The following APTX variants were observed in gnomAD, a reference collection of about 807,000 sequenced individuals.
The protein encoded by APTX is aprataxin, also known as forkhead-associated domain histidine triad-like protein.
In APTX, 33 loss-of-function variants were observed where a neutral mutation model predicts 42.3. The ratio of observed to expected loss-of-function variants is 0.78; its 90% confidence interval spans 0.59 to 1.04. APTX has a LOEUF of 1.04. APTX is among the 50% of genes least tolerant of loss of function. The probability of loss-of-function intolerance (pLI) is 0.00; values close to 1 mark genes in which losing one functional copy is unlikely to be tolerated. For synonymous variants in APTX, 130 were observed against 146.7 expected (o/e 0.89, Z 0.82); for missense variants, 421 against 415.1 (o/e 1.01, Z -0.12).
intron 1 of APTX, among the ~76,000 whole-genome samples, chr9:33,010,589 G>C (rs1424413275): frequency 6.6e-6 from 1 of 151,940 alleles, no homozygotes; most frequent in Non-Finnish European, 1.5e-5. Flanking sequence ...GCTGGTGGCA[G>C]GCGCCTGTAA....
At chr9:33,005,144 T>C (rs1476972721), upstream of APTX, among the ~76,000 whole-genome samples, 3 of 152,172 alleles carry the variant, frequency 2.0e-5, no homozygotes, top group African/African-American at 7.2e-5. Flanking sequence ...GTAGGAGTTC[T>C]TTATATATTC....
intron 1 of APTX, among the ~76,000 whole-genome samples, chr9:33,000,918 G>C (rs1213802180): frequency 7.3e-6 from 1 of 137,804 alleles, no homozygotes; most frequent in African/African-American, 2.7e-5. Flanking sequence ...CGCGATCTCA[G>C]CTCACCACAA....
intron 6 of APTX, among the ~76,000 whole-genome samples, chr9:32,977,235 C>T (rs1036405553): frequency 3.9e-5 from 6 of 152,118 alleles, no homozygotes; most frequent in Non-Finnish European, 5.9e-5. Flanking sequence ...CCTGTAATCC[C>T]AGCTACTCAG....
intron 1 of APTX, among the ~76,000 whole-genome samples, chr9:32,998,520 C>T (rs1587576029): frequency 6.6e-6 from 1 of 152,076 alleles, no homozygotes; most frequent in South Asian, 2.1e-4. Flanking sequence ...CACATATATA[C>T]CATGGAATAT....
Position 32,984,796 on chromosome 9 carries a change from C to G in APTX, c.605G>C (p.Trp202Ser). 6.2e-7 allele frequency: 1 copy of G among 1,614,192 alleles called. No individual in the cohort carries two copies. Residue 202 changes from tryptophan to serine, a missense_variant, in exon 6 of 8, where the codon TGG becomes TCG. By Grantham distance (177) the Trp-to-Ser change is radical. Coordinates refer to ENST00000379817, the MANE Select transcript of APTX (RefSeq NM_001195248.2). ...AATGGAGGTCCACGGTAAGACCAGC[C>G]AATGGTAACGGGCCTTTGGGTATTT... ...KDKYPKARYHWLVLPWTSISS... is the reference protein window; with the variant it reads ...KDKYPKARYHSLVLPWTSISS...
intron 1 of APTX, among the ~76,000 whole-genome samples, chr9:33,000,477 A>T (rs1836010280): frequency 6.6e-6 from 1 of 151,580 alleles, no homozygotes; most frequent in Non-Finnish European, 1.5e-5. Context: ...AAATACAAAA[A>T]ATTAGCCAGG....
At chr9:33,004,221 G>C (rs1836959789), upstream of APTX, among the ~76,000 whole-genome samples, 1 of 152,184 alleles carries the variant, frequency 6.6e-6, no homozygotes, top group Non-Finnish European at 1.5e-5. Context: ...GCTAAGCTTT[G>C]GGTATGTAAA....
chr9:33,023,301 G>A (rs1182679571), intron 1 of APTX, among the ~76,000 whole-genome samples: 1 of 151,680 alleles, frequency 6.6e-6, no homozygotes. Context: ...TCTGCTCACT[G>A]CAACCTCCGC....
rs1363641751 is a variant in APTX, at chr9:33,014,132, A to AAT, written c.-5+10890_-5+10891insAT. Among the ~76,000 whole-genome samples the AAT allele has an allele frequency of 1.2e-3, 176 of 152,322 alleles. 1 individual carries two copies. The highest frequency in any genetic ancestry group is 4.0e-3 in the African/African-American group (167 of 41,570). On this transcript the variant is annotated intron_variant, in intron 1 of 6. Coordinates refer to the APTX transcript ENST00000436040. Reference sequence around the variant, plus strand: ...TGCTCAGCACAGAAACTGATGGCAAAGGCCTACTCTGGCACCATTACCAGC... The same window carrying AAT: ...TGCTCAGCACAGAAACTGATGGCAAAATGGCCTACTCTGGCACCATTACCAGC...
rs769631784 is a variant in APTX, at chr9:32,973,439, A to T, written c.*59T>A. ...TAGAAGTTCACAAGCAACCCAGAAT[A>T]GGTGCCAGCAGTTTGCTCCAGTGGG... On this transcript the variant is annotated 3_prime_UTR_variant, in exon 8 of 8. Transcript: ENST00000379817. 6.3e-7 allele frequency: 1 copy of T among 1,577,084 alleles called. No homozygotes were observed. The highest frequency in any genetic ancestry group is 1.1e-5 in the South Asian group (1 of 89,798).
chr9:33,017,881 A>G (rs1838014577), intron 1 of APTX, among the ~76,000 whole-genome samples: 1 of 151,746 alleles, frequency 6.6e-6, no homozygotes, highest in Non-Finnish European at 1.5e-5. Flanking sequence ...TGTGAGGCTG[A>G]AAGTTCCAAT....
intron 1 of APTX, among the ~76,000 whole-genome samples, chr9:33,010,300 C>T (rs1837449733): frequency 6.6e-6 from 1 of 152,192 alleles, no homozygotes; most frequent in African/African-American, 2.4e-5. Flanking sequence ...GGCCTCCAGT[C>T]AGATGAAACC....
chr9:32,975,102 A>C (rs539391834), intron 6 of APTX, among the ~76,000 whole-genome samples: 1 of 152,198 alleles, frequency 6.6e-6, no homozygotes, highest in Non-Finnish European at 1.5e-5. Flanking sequence ...AGGGGCCCTG[A>C]GATGAGGAAA....
chr9:32,991,076 G>A (rs1833500950), intron 1 of APTX, among the ~76,000 whole-genome samples: 1 of 152,092 alleles, frequency 6.6e-6, no homozygotes, highest in African/African-American at 2.4e-5. Context: ...ATGGGCATGT[G>A]TCACCACAGT....
intron 2 of APTX, 125 bp downstream of exon 2, chr9:32,989,634 C>G: frequency 6.9e-7 from 1 of 1,440,386 alleles, no homozygotes; most frequent in Non-Finnish European, 9.7e-7. Context: ...TAAAAGAGCT[C>G]AGTTCCTGAG....
intron 1 of APTX, among the ~76,000 whole-genome samples, chr9:33,015,628 A>T (rs992240092): frequency 2.6e-5 from 4 of 152,194 alleles, no homozygotes; most frequent in African/African-American, 9.7e-5. Flanking sequence ...AAGTGCTGGG[A>T]TTACAGGTGT....
chr9:32,988,347 G>A (rs1192939282), intron 2 of APTX, among the ~76,000 whole-genome samples: 2 of 152,058 alleles, frequency 1.3e-5, no homozygotes, highest in Non-Finnish European at 2.9e-5. Context: ...GTCCAACAGC[G>A]TACATACTCC....
upstream of APTX, among the ~76,000 whole-genome samples, chr9:33,003,493 G>A (rs112604404): frequency 6.0e-4 from 91 of 152,198 alleles, no homozygotes; most frequent in African/African-American, 2.1e-3. Context: ...CCAGCCTGGC[G>A]TGGCGGAACT....
chr9:33,011,373 C>T (rs1038000903), intron 1 of APTX, among the ~76,000 whole-genome samples: 6 of 151,468 alleles, frequency 4.0e-5, no homozygotes, highest in East Asian at 2.0e-4. Context: ...CTGCAACCTC[C>T]GCCTCCCAGG....
Sources: gnomAD v4.1 joint callset for allele counts (sites outside exome capture counted in the v4.1 genomes callset) on GRCh38, gnomAD v4.1.1 for gene constraint, MANE v1.5 for transcripts, NCBI Gene and HGNC (gene_info 2026-07-23, HGNC 2026-07-21) for gene names.